AKT1S1: variants seen among roughly 807,000 people sequenced by gnomAD.
AKT1S1 encodes the protein proline-rich AKT1 substrate 1.
A neutral mutation model predicts 21.2 loss-of-function variants in AKT1S1; 17 were observed. That is an observed-to-expected ratio of 0.80 (90% CI 0.55 to 1.20). The LOEUF is 1.20. Among genes scored for constraint, AKT1S1 ranks in the 50% most tolerant of loss-of-function variants. The probability of loss-of-function intolerance (pLI) is 0.00; values close to 1 mark genes in which losing one functional copy is unlikely to be tolerated. For synonymous variants in AKT1S1, 181 were observed against 165.6 expected, an observed-to-expected ratio of 1.09 and a Z score of -0.72; for missense variants, 366 against 368.3, an observed-to-expected ratio of 0.99 and a Z score of 0.05.
In AKT1S1 at chr19:49,869,977, C is replaced by A; in HGVS notation, c.711G>T (p.Gly237=). 2 of 1,544,988 alleles carry A rather than the reference C, an allele frequency of 1.3e-6. No individual in the cohort carries two copies. The highest frequency in any genetic ancestry group is 1.4e-5 in the African/African-American group (1 of 72,296). ...TGTTAAGCCGCGGCCGTGGCAGGTC[C>A]CCGAAGACCTGGGTGTCCTCGGCCT... The part of the protein sequence containing the change: ...LREAEDTQVF[G]DLPRPRLNTS... The change falls in exon 5 of 5, where the codon GGG becomes GGT. Residue 237 remains glycine, a synonymous_variant. Transcript: ENST00000344175.
Position 49,869,676 on chromosome 19 carries a change from C to T in AKT1S1, c.*241G>A, listed in dbSNP as rs1424726885. 1 of 426,190 alleles carries T rather than the reference C, an allele frequency of 2.3e-6. No homozygotes were observed. The highest frequency in any genetic ancestry group is 2.1e-5 in the African/African-American group (1 of 48,636). 26.4% of individuals were successfully genotyped at this position (426,190 alleles called of 1,614,324 possible). A position where few individuals can be genotyped will look rare whatever the true frequency, so the allele number is the denominator to read the frequency against. On this transcript the variant is annotated 3_prime_UTR_variant, in exon 5 of 5. Coordinates refer to ENST00000344175, the MANE Select transcript of AKT1S1 (RefSeq NM_001098633.4). The stretch of plus-strand genomic sequence containing the variant: ...GAGCCAATCCCTTAATAGAAGGAAT[C>T]TGTCGCTAGGCGGAGAGAGACGACA...
chr19:49,869,224 C>T lies in AKT1S1; in HGVS notation c.*693G>A, dbSNP rs1193989552. ...GCGAGGGGCGGGAGCTGGTACCATCCTGGATGCAGGGACGGGCTTCGATTG... is the reference window on the plus strand; with the variant it reads ...GCGAGGGGCGGGAGCTGGTACCATCTTGGATGCAGGGACGGGCTTCGATTG... On this transcript the variant is annotated 3_prime_UTR_variant, in exon 5 of 5. Coordinates refer to ENST00000344175, the MANE Select transcript of AKT1S1 (RefSeq NM_001098633.4). 1 of 152,700 alleles carries T rather than the reference C, an allele frequency of 6.5e-6. No homozygotes were observed. Among genetic ancestry groups the T allele is most frequent in the Non-Finnish European group, 1.5e-5 (1 of 68,144 alleles). The allele number at this position is 152,700 out of a possible 1,614,324, so 9.5% of individuals were successfully genotyped here.
intron 1 of AKT1S1, chr19:49,876,542 C>A: frequency 6.8e-7 from 1 of 1,465,266 alleles, no homozygotes; most frequent in East Asian, 2.6e-5. Flanking sequence ...CCCAGCGCCC[C>A]GCTGCCTCAG....
In AKT1S1 at chr19:49,869,818, CGGTCCCGGATCGGCCTCAGATTAGCA is replaced by C. The variant is rs1445969686; in HGVS notation, c.*73_*98del. 4.0e-6 allele frequency: 5 copies of C among 1,243,022 alleles called. No individual in the cohort carries two copies. The Admixed American group carries it at 2.0e-4, about 49-fold the overall frequency. 77.0% of individuals were successfully genotyped at this position (1,243,022 alleles called of 1,614,324 possible). On this transcript the variant is annotated 3_prime_UTR_variant, in exon 5 of 5. Coordinates refer to ENST00000344175, the MANE Select transcript of AKT1S1 (RefSeq NM_001098633.4). ...TTGGGAATGGGAGACGCAAGGAGGC[CGGTCCCGGATCGGCCTCAGATTAGCA>C]GGCCCCGGGAGTGGGGCGGGGGCGT...
At chr19:49,877,993 G>A (rs2074972380), upstream of AKT1S1, 6 of 761,484 alleles carry the variant, frequency 7.9e-6, no homozygotes, top group East Asian at 2.8e-5. Flanking sequence ...CCGAACGCGG[G>A]CTGGACCATT....
In AKT1S1 at chr19:49,872,964, G is replaced by T. The variant is rs1430541932; in HGVS notation, c.332C>A (p.Thr111Lys). 2 of 1,604,064 alleles carry T rather than the reference G, an allele frequency of 1.2e-6. No individual in the cohort carries two copies. Residue 111 changes from threonine (T) to lysine (K), a missense_variant, in exon 2 of 5, where the codon ACA becomes AAA. Coordinates refer to ENST00000344175, the MANE Select transcript of AKT1S1 (RefSeq NM_001098633.4). ...CTGCTCCCCGGAGGTCTCTGTCTCT[G>T]TGGGCTCATCCTCGTCCTCCTCGTT... Reference protein sequence around the residue: ...EDNEEDEDEPTETETSGEQLG... With the variant: ...EDNEEDEDEPKETETSGEQLG...
Position 49,871,616 on chromosome 19 carries a change from C to T in AKT1S1, c.558G>A (p.Val186=), listed in dbSNP as rs769463878. The T allele has an allele frequency of 6.2e-7, 1 of 1,614,082 alleles. No individual in the cohort carries two copies. Among genetic ancestry groups the T allele is most frequent in the South Asian group, 1.1e-5 (1 of 91,084 alleles). The stretch of plus-strand genomic sequence containing the variant: ...CCTTGAAGCCCCAGACGGGCACAGA[C>T]ACAGGCAGGGACTTGGCGTACTGCT... ...PTQQYAKSLP[V]SVPVWGFKEK... Residue 186 remains valine, a synonymous_variant, in exon 4 of 5, where the codon GTG becomes GTA. Transcript: ENST00000344175.
At chr19:49,875,638 G>C (rs543652052) in intron 1 of AKT1S1, among the ~76,000 whole-genome samples, 2 of 152,334 alleles carry the variant, frequency 1.3e-5, no homozygotes, top group East Asian at 1.9e-4. Context: ...GCGGAGAAGA[G>C]GGGGAGAGGA....
At chr19:49,870,936 G>C (rs2074876727) in intron 4 of AKT1S1, among the ~76,000 whole-genome samples, 1 of 152,208 alleles carries the variant, frequency 6.6e-6, no homozygotes, top group Non-Finnish European at 1.5e-5. Context: ...ACTGAGGCTT[G>C]AGGGGGGGAC....
At position 49,871,541 on chromosome 19, in the gene AKT1S1, C is replaced by T. The variant is rs768107530; in HGVS notation, c.627+6G>A. 7.4e-6 allele frequency: 12 copies of T among 1,613,884 alleles called. No individual in the cohort carries two copies. Among genetic ancestry groups the T allele is most frequent in the South Asian group, 3.3e-5 (3 of 91,080 alleles). ...CCCTCCCTACCTCCCCACATTTGCC[C>T]CTCACCGGCCCATTCTCCTCATCTG... On this transcript the variant is annotated splice_donor_region_variant and intron_variant, in intron 4 of 4. Coordinates refer to ENST00000344175, the MANE Select transcript of AKT1S1 (RefSeq NM_001098633.4).
At chr19:49,877,708 G>A, upstream of AKT1S1, 10 of 1,600,060 alleles carry the variant, frequency 6.2e-6, no homozygotes, top group Non-Finnish European at 6.8e-6. Context: ...GGGCAGTGGG[G>A]CCTTCGGCGG....
In AKT1S1 at chr19:49,869,649, G is replaced by C. The variant is rs951414396; in HGVS notation, c.*268C>G. ...TGACCCATTTAGAGCTTAGAACTCA[G>C]CGAGCCAATCCCTTAATAGAAGGAA... On this transcript the variant is annotated 3_prime_UTR_variant, in exon 5 of 5. Transcript: ENST00000344175. 5.2e-6 allele frequency: 2 copies of C among 384,426 alleles called. No individual in the cohort carries two copies. The highest frequency in any genetic ancestry group is 9.3e-6 in the Non-Finnish European group (2 of 213,974). The allele number at this position is 384,426 out of a possible 1,614,324, so 23.8% of individuals were successfully genotyped here. A position where few individuals can be genotyped will look rare whatever the true frequency, so the allele number is the denominator to read the frequency against.
At chr19:49,876,659 G>A (rs770494508) in intron 1 of AKT1S1, 4 of 1,494,956 alleles carry the variant, frequency 2.7e-6, no homozygotes, top group East Asian at 2.8e-5. Flanking sequence ...AAGACATGGC[G>A]GCGCCTTGCG....
At chr19:49,877,904 G>A, upstream of AKT1S1, 1 of 930,082 alleles carries the variant, frequency 1.1e-6, no homozygotes, top group Non-Finnish European at 1.6e-6. Context: ...ACCGCCCCAG[G>A]GAAGAACCTC....
intron 1 of AKT1S1, chr19:49,876,067 GA>G (rs1568669781): frequency 3.0e-6 from 3 of 985,706 alleles, no homozygotes; most frequent in Non-Finnish European, 3.6e-6. Context: ...CTAAGGAGGA[GA>G]GGGGTGGAAC....
chr19:49,871,017 G>T (rs2074877623), intron 4 of AKT1S1, among the ~76,000 whole-genome samples: 1 of 152,200 alleles, frequency 6.6e-6, no homozygotes, highest in South Asian at 2.1e-4. Context: ...TCCAGTCCCA[G>T]CTCTGCCTCT....
At chr19:49,871,473 T>TGGA in intron 4 of AKT1S1, 74 bp downstream of exon 4, 1 of 1,589,618 alleles carries the variant, frequency 6.3e-7, no homozygotes, top group Non-Finnish European at 8.6e-7. Flanking sequence ...GCATCCATGC[T>TGGA]GGAGGGCTTC....
At chr19:49,872,254 C>A (rs183697740) in intron 2 of AKT1S1, among the ~76,000 whole-genome samples, 2 of 152,172 alleles carry the variant, frequency 1.3e-5, no homozygotes, top group South Asian at 4.1e-4. Flanking sequence ...GTCACTTGCC[C>A]GAGGTCCCAT....
chr19:49,872,466 T>TC (rs1288972649), intron 2 of AKT1S1, among the ~76,000 whole-genome samples: 1 of 150,920 alleles, frequency 6.6e-6, no homozygotes. Flanking sequence ...ACCCCCAAAT[T>TC]CCCCCCAAAA....
Sources: allele counts gnomAD v4.1 joint callset (sites outside exome capture counted in the v4.1 genomes callset), GRCh38; gene constraint gnomAD v4.1.1; transcripts MANE v1.5; gene names NCBI Gene and HGNC (gene_info 2026-07-23, HGNC 2026-07-21).